NINL: variants seen among roughly 807,000 people sequenced by gnomAD.
NINL encodes ninein-like protein.
Under a neutral mutation model 160.3 loss-of-function variants are expected in NINL, and 153 were observed. The ratio of observed to expected loss-of-function variants is 0.95; its 90% CI spans 0.84 to 1.09. The LOEUF is 1.09. NINL is among the 50% of genes least tolerant of loss of function. The pLI is 0.00. For synonymous variants in NINL, 800 were observed against 734.8 expected (o/e 1.09, Z -1.43); for missense variants, 1,829 against 1,764.0 (o/e 1.04, Z -0.66).
In NINL at chr20:25,458,390, G is replaced by A. The variant is rs768263297; in HGVS notation, c.3836C>T (p.Ala1279Val). The change falls in exon 22 of 24, where the codon GCA becomes GTA. Residue 1279 changes from alanine (A) to valine (V), a missense_variant. Physicochemically the swap from Ala to Val is moderately conservative, Grantham distance 64 (BLOSUM62 0). Coordinates refer to ENST00000278886, the MANE Select transcript of NINL (RefSeq NM_025176.6). The part of the protein sequence containing the change: ...QGEQARRRLD[A>V]QREEHEKQLK... ...CGCTGCATCCCCACTTACCCGCTGT[G>A]CATCCAGGCGCCTCCTGGCCTGCTC... is the stretch of plus-strand genomic sequence containing the variant. 2 of 1,606,370 alleles carry A rather than the reference G, an allele frequency of 1.2e-6. No individual in the cohort carries two copies. The highest frequency in any genetic ancestry group is 2.2e-5 in the South Asian group (2 of 91,000).
chr20:25,543,370 G>A (rs912129951), intron 1 of NINL, among the ~76,000 whole-genome samples: 3 of 152,136 alleles, frequency 2.0e-5, no homozygotes, highest in Admixed American at 2.0e-4. Flanking sequence ...GGCAACATTG[G>A]CAAAACCCCA....
In NINL at chr20:25,568,993, G is replaced by C. The variant is rs145232475; in HGVS notation, c.-12+16462C>G. Among the ~76,000 whole-genome samples the C allele has an allele frequency of 1.6e-3, 242 of 151,792 alleles. 5 individuals are homozygous for C. In the East Asian group the frequency reaches 0.039, roughly 25 times the overall value. On this transcript the variant is annotated intron_variant, in intron 1 of 23. Coordinates refer to ENST00000278886, the MANE Select transcript of NINL (RefSeq NM_025176.6). The stretch of plus-strand genomic sequence containing the variant: ...ACCTGTAATCCCAGCACTTTGGAAG[G>C]CCCAGGTGGGTAGATCACTTGAGGT...
At chr20:25,496,237 AC>A (rs2146738676) in intron 10 of NINL, among the ~76,000 whole-genome samples, 1 of 152,328 alleles carries the variant, frequency 6.6e-6, no homozygotes, top group South Asian at 2.1e-4. Flanking sequence ...CATCGGGGTC[AC>A]TACAGCTGTG....
At chr20:25,496,582 GGC>G (rs2063757835) in intron 10 of NINL, 79 bp downstream of exon 10, 3 of 1,544,640 alleles carry the variant, frequency 1.9e-6, no homozygotes, top group Admixed American at 3.6e-5. Context: ...TCTGGCCCCT[GGC>G]AGCCCTGTGT....
chr20:25,472,067 A>G (rs146338774), intron 17 of NINL, among the ~76,000 whole-genome samples: 4 of 152,284 alleles, frequency 2.6e-5, no homozygotes, highest in Admixed American at 2.6e-4. Flanking sequence ...AACTATTGAC[A>G]ATGATCAGAC....
chr20:25,507,995 A>G (rs937301514), intron 5 of NINL, among the ~76,000 whole-genome samples: 2 of 152,194 alleles, frequency 1.3e-5, no homozygotes, highest in African/African-American at 4.8e-5. Flanking sequence ...GTTGGGGCAG[A>G]GAACACTGAA....
intron 22 of NINL, among the ~76,000 whole-genome samples, chr20:25,458,177 C>T (rs2090739225): frequency 6.6e-6 from 1 of 152,266 alleles, no homozygotes; most frequent in African/African-American, 2.4e-5. Flanking sequence ...GTCTCACCAT[C>T]TCAGGGGCCA....
chr20:25,550,297 C>T lies in NINL; in HGVS notation c.-11-23699G>A, dbSNP rs1376045095. ...GGCTGAGGTGGGAGGACCACTTGAG[C>T]CGAGAGGTTAAGGCTGTGGTGACCC... is the stretch of plus-strand genomic sequence containing the variant. On this transcript the variant is annotated intron_variant, in intron 1 of 23. Transcript: ENST00000278886. 2.6e-5 allele frequency among the ~76,000 whole-genome samples: 4 copies of T among 152,320 alleles called. 1 individual carries two copies. Among genetic ancestry groups the T allele is most frequent in the South Asian group, 4.1e-4 (2 of 4,824 alleles).
Position 25,464,447 on chromosome 20 carries a change from C to A in NINL, c.3424-1906G>T, listed in dbSNP as rs202132646. On this transcript the variant is annotated intron_variant, in intron 19 of 23. Coordinates refer to ENST00000278886, the MANE Select transcript of NINL (RefSeq NM_025176.6). Reference sequence around the variant, plus strand: ...AAACAAACAAACAAACAAACAAACACACAACAAACTCTTCATTTGGAAATA... The same window carrying A: ...AAACAAACAAACAAACAAACAAACAAACAACAAACTCTTCATTTGGAAATA... Among the ~76,000 whole-genome samples, 31 of 147,838 alleles carry A rather than the reference C, an allele frequency of 2.1e-4. No homozygotes were observed. In the South Asian group the frequency reaches 5.6e-3, roughly 27 times the overall value.
chr20:25,500,764 G>A (rs563202691), intron 8 of NINL, 76 bp downstream of exon 8: 20 of 1,524,132 alleles, frequency 1.3e-5, no homozygotes, highest in African/African-American at 4.1e-5. Flanking sequence ...GGCTTGGGAC[G>A]CTCCATCCAT....
intron 7 of NINL, among the ~76,000 whole-genome samples, chr20:25,503,226 C>A (rs922921185): frequency 2.2e-5 from 3 of 138,560 alleles, no homozygotes; most frequent in African/African-American, 5.5e-5. Context: ...CTGAGCAGCA[C>A]GTTCCTCACC....
intron 9 of NINL, among the ~76,000 whole-genome samples, chr20:25,497,920 G>C (rs1250605951): frequency 6.6e-6 from 1 of 152,212 alleles, no homozygotes; most frequent in African/African-American, 2.4e-5. Context: ...GCCTTAAATT[G>C]TGTAGACTCA....
intron 13 of NINL, among the ~76,000 whole-genome samples, chr20:25,483,335 C>T (rs1005545680): frequency 7.1e-6 from 1 of 140,668 alleles, no homozygotes; most frequent in African/African-American, 2.6e-5. Context: ...TCTGTCTCAA[C>T]AAAAAAAAAA....
chr20:25,479,346 G>A (rs1202738937), intron 15 of NINL, 140 bp from the exon 16 acceptor site: 1 of 1,069,214 alleles, frequency 9.4e-7, no homozygotes, highest in Non-Finnish European at 1.3e-6. Flanking sequence ...AGGGTGTGCA[G>A]AAGGGGACAG....
intron 1 of NINL, among the ~76,000 whole-genome samples, chr20:25,576,211 C>T (rs569210252): frequency 1.3e-5 from 2 of 152,296 alleles, no homozygotes; most frequent in Admixed American, 1.3e-4. Context: ...TGTTTCTGAA[C>T]TTTGAAGTCT....
chr20:25,484,612 G>A (rs372678), intron 13 of NINL, among the ~76,000 whole-genome samples: 68,507 of 152,082 alleles, frequency 0.45, 16,129 homozygotes, highest in East Asian at 0.92. Context: ...GGAGGAAATG[G>A]GAATTCATGA....
At chr20:25,484,857 CTG>C (rs2063475972) in intron 13 of NINL, among the ~76,000 whole-genome samples, 1 of 152,178 alleles carries the variant, frequency 6.6e-6, no homozygotes, top group South Asian at 2.1e-4. Context: ...TTTCCACTGA[CTG>C]TGTAATATTA....
chr20:25,456,416 C>T (rs1402694801), intron 22 of NINL, among the ~76,000 whole-genome samples: 12 of 150,844 alleles, frequency 8.0e-5, no homozygotes, highest in Admixed American at 2.6e-4. Flanking sequence ...GGCATGGTAG[C>T]GGGCGCCTGT....
chr20:25,540,766 C>CT (rs1555875372), intron 1 of NINL, among the ~76,000 whole-genome samples: 2 of 152,214 alleles, frequency 1.3e-5, no homozygotes, highest in Non-Finnish European at 2.9e-5. Flanking sequence ...TTCCAATGGC[C>CT]TTGCCAGCAG....
Sources: gnomAD v4.1 joint callset for allele counts (sites outside exome capture counted in the v4.1 genomes callset) on GRCh38, gnomAD v4.1.1 for gene constraint, MANE v1.5 for transcripts, NCBI Gene and HGNC (gene_info 2026-07-23, HGNC 2026-07-21) for gene names.